The following PTPRG variants were observed in gnomAD, a reference collection of about 807,000 sequenced individuals.
PTPRG encodes the protein protein tyrosine phosphatase receptor type G, also known as receptor-type tyrosine-protein phosphatase gamma.
In PTPRG, 102 loss-of-function variants were observed where a neutral mutation model predicts 165.3. The observed-to-expected ratio is 0.62, with a 90% confidence interval of 0.53 to 0.73. The LOEUF is 0.73. Ranked by LOEUF, PTPRG falls within the 30% of genes least tolerant of loss-of-function variation. The pLI, the probability that PTPRG is intolerant of heterozygous loss-of-function variation, is 0.00. For missense variants in PTPRG, 1,866 were observed against 1,861.4 expected (o/e 1.00, Z -0.05); for synonymous variants, 675 against 669.5 (o/e 1.01, Z -0.13).
chr3:62,165,438 C>T (rs192702259), intron 7 of PTPRG, among the ~76,000 whole-genome samples: 2,385 of 152,124 alleles, frequency 0.016, 32 homozygotes, highest in Non-Finnish European at 0.021. Flanking sequence ...TAGTTGTCTT[C>T]ATTTGAGTGG....
chr3:61,696,940 C>T (rs2030637739), intron 1 of PTPRG, among the ~76,000 whole-genome samples: 1 of 152,146 alleles, frequency 6.6e-6, no homozygotes, highest in African/African-American at 2.4e-5. Context: ...TTCCTCTACT[C>T]AGTGGGGATG....
At chr3:62,186,393 G>A (rs769352606) in intron 8 of PTPRG, among the ~76,000 whole-genome samples, 26 of 152,148 alleles carry the variant, frequency 1.7e-4, no homozygotes, top group Non-Finnish European at 3.5e-4. Context: ...GGTGGTCCCT[G>A]CCTGGGAGAT....
At position 61,708,903 on chromosome 3, in the gene PTPRG, A is replaced by G. The variant is rs145826580; in HGVS notation, c.86-39975A>G. On this transcript the variant is annotated intron_variant, in intron 1 of 29. Coordinates refer to ENST00000474889, the MANE Select transcript of PTPRG (RefSeq NM_002841.4). ...GCCTTTCAGGGGCGCACTTGCCCTA[A>G]ACCAAAATCAAACAGGTTAATTTTT... Among the ~76,000 whole-genome samples, 1,274 of 152,374 alleles carry G rather than the reference A, an allele frequency of 8.4e-3. 9 individuals carry two copies. Among genetic ancestry groups the G allele is most frequent in the Non-Finnish European group, 0.015 (990 of 68,036 alleles).
intron 2 of PTPRG, among the ~76,000 whole-genome samples, chr3:61,821,176 C>CTT (rs71629144): frequency 1.1e-4 from 16 of 147,316 alleles, no homozygotes; most frequent in African/African-American, 3.5e-4. Flanking sequence ...TTCTTGTTTT[C>CTT]TTTTTTTTTT....
At position 61,692,824 on chromosome 3, in the gene PTPRG, G is replaced by A. The variant is rs983368663; in HGVS notation, c.86-56054G>A. The stretch of plus-strand genomic sequence containing the variant: ...AGGAACCGGCCATCTGGATGTGTAC[G>A]TGCAGGTCACAGGGGATATGATGGC... On this transcript the variant is annotated intron_variant, in intron 1 of 29. Coordinates refer to ENST00000474889, the MANE Select transcript of PTPRG (RefSeq NM_002841.4). Among the ~76,000 whole-genome samples the A allele has an allele frequency of 5.9e-5, 9 of 152,294 alleles. No homozygotes were observed. The East Asian group carries it at 9.6e-4, about 16-fold the overall frequency.
chr3:62,189,339 C>T (rs574431846), intron 8 of PTPRG, among the ~76,000 whole-genome samples: 164 of 152,234 alleles, frequency 1.1e-3, no homozygotes, highest in South Asian at 1.7e-3. Context: ...CTGGGCCATG[C>T]GTCTCTGGCA....
chr3:62,251,973 TA>T (rs1489164264), intron 15 of PTPRG, among the ~76,000 whole-genome samples: 2 of 152,334 alleles, frequency 1.3e-5, no homozygotes, highest in East Asian at 3.9e-4. Flanking sequence ...AAGGGCTTAA[TA>T]AATGGTGGTT....
chr3:61,778,443 C>A (rs147791781), intron 2 of PTPRG, among the ~76,000 whole-genome samples: 1 of 152,088 alleles, frequency 6.6e-6, no homozygotes, highest in African/African-American at 2.4e-5. Context: ...TTTCAATTTT[C>A]CATCTGCTAT....
intron 2 of PTPRG, among the ~76,000 whole-genome samples, chr3:61,924,966 A>G (rs951738178): frequency 6.6e-6 from 1 of 152,176 alleles, no homozygotes; most frequent in African/African-American, 2.4e-5. Flanking sequence ...CAGAAGAGAG[A>G]TGATATCTGC....
chr3:61,802,836 T>A (rs1185994427), intron 2 of PTPRG, among the ~76,000 whole-genome samples: 1 of 152,156 alleles, frequency 6.6e-6, no homozygotes, highest in East Asian at 1.9e-4. Context: ...GGAATACCCA[T>A]GCCCAGTATA....
intron 1 of PTPRG, among the ~76,000 whole-genome samples, chr3:61,602,631 T>C (rs1415365572): frequency 6.6e-6 from 1 of 152,198 alleles, no homozygotes; most frequent in African/African-American, 2.4e-5. Context: ...TGTCTATTAC[T>C]ATCTTGACAG....
rs138375633 is a variant in PTPRG at position 61,858,141 on chromosome 3, A to G, written c.190+109159A>G. ...GTGGGCGTTGGAATAGTGACAGAAA[A>G]GCATGAAGGAAAACAAATGTTTATT... On this transcript the variant is annotated intron_variant, in intron 2 of 29. Transcript: ENST00000474889. 3.9e-5 allele frequency among the ~76,000 whole-genome samples: 6 copies of G among 152,340 alleles called. No homozygotes were observed. The East Asian group carries it at 1.2e-3, about 29-fold the overall frequency.
rs572846770 is a variant in PTPRG at position 62,022,733 on chromosome 3, C to A, written c.519+19236C>A. Among the ~76,000 whole-genome samples the A allele has an allele frequency of 7.9e-5, 12 of 152,214 alleles. No homozygotes were observed. In the South Asian group the frequency reaches 1.9e-3, roughly 24 times the overall value. ...AGCTGGAATTATATACCTTTTGGGT[C>A]TAAAATTTACCTCACAACAGCTTAA... is the stretch of plus-strand genomic sequence containing the variant. On this transcript the variant is annotated intron_variant, in intron 4 of 29. Coordinates refer to ENST00000474889, the MANE Select transcript of PTPRG (RefSeq NM_002841.4).
intron 2 of PTPRG, among the ~76,000 whole-genome samples, chr3:61,761,711 A>G (rs1414156320): frequency 2.0e-5 from 3 of 152,190 alleles, no homozygotes; most frequent in Admixed American, 2.0e-4. Context: ...TGGACACGGG[A>G]AGCCACTTAA....
intron 2 of PTPRG, among the ~76,000 whole-genome samples, chr3:61,870,687 A>C (rs2037546586): frequency 1.3e-5 from 2 of 151,352 alleles, no homozygotes; most frequent in Admixed American, 6.6e-5. Context: ...ATTGTTGGGT[A>C]GGAAAAGTAA....
In PTPRG at chr3:62,038,644, A is replaced by G. The variant is rs377000719; in HGVS notation, c.519+35147A>G. Among the ~76,000 whole-genome samples the G allele has an allele frequency of 1.1e-3, 171 of 152,240 alleles. 1 individual carries two copies. The highest frequency in any genetic ancestry group is 3.9e-3 in the African/African-American group (161 of 41,554). On this transcript the variant is annotated intron_variant, in intron 4 of 29. Transcript: ENST00000474889. ...CTCCTGGGCTGAAGTAATCTTCCTGACTTGGCCTTCCAAAGTGCTGGGATT... is the reference window on the plus strand; with the variant it reads ...CTCCTGGGCTGAAGTAATCTTCCTGGCTTGGCCTTCCAAAGTGCTGGGATT...
At chr3:62,014,329 A>AC (rs1231449337) in intron 4 of PTPRG, among the ~76,000 whole-genome samples, 1 of 152,102 alleles carries the variant, frequency 6.6e-6, no homozygotes, top group East Asian at 1.9e-4. Flanking sequence ...GGATACGTTT[A>AC]CTGTGATGGA....
intron 7 of PTPRG, among the ~76,000 whole-genome samples, 170 bp downstream of exon 7, chr3:62,157,394 G>A (rs535241107): frequency 9.2e-5 from 14 of 152,278 alleles, no homozygotes; most frequent in African/African-American, 2.9e-4. Flanking sequence ...AACTGCAAGC[G>A]ATAGAATGTG....
chr3:62,011,252 G>GT (rs1192772708), intron 4 of PTPRG, among the ~76,000 whole-genome samples: 4 of 152,226 alleles, frequency 2.6e-5, no homozygotes, highest in Non-Finnish European at 4.4e-5. Flanking sequence ...CAAGCTCCCT[G>GT]TGCAGGTTCC....
Sources: allele counts gnomAD v4.1 joint callset (sites outside exome capture counted in the v4.1 genomes callset), GRCh38; gene constraint gnomAD v4.1.1; transcripts MANE v1.5; gene names NCBI Gene and HGNC (gene_info 2026-07-23, HGNC 2026-07-21).